ENPP6: variants seen among roughly 807,000 people sequenced by gnomAD.
The protein encoded by ENPP6 is glycerophosphocholine cholinephosphodiesterase ENPP6.
A neutral mutation model predicts 42.0 loss-of-function variants in ENPP6; 32 were observed. The observed-to-expected ratio is 0.76, with a 90% CI of 0.58 to 1.02. ENPP6 has a LOEUF of 1.02. ENPP6 is among the 50% of genes least tolerant of loss of function. ENPP6 has a pLI of 0.00. For missense variants in ENPP6, 552 were observed against 566.8 expected (o/e 0.97, Z 0.27); for synonymous variants, 213 against 216.0 (o/e 0.99, Z 0.12).
At chr4:184,164,841 G>C (rs1328524917) in intron 1 of ENPP6, among the ~76,000 whole-genome samples, 4 of 152,132 alleles carry the variant, frequency 2.6e-5, no homozygotes, top group Non-Finnish European at 5.9e-5. Flanking sequence ...TACACCACCA[G>C]GTATACTGGA....
intron 3 of ENPP6, among the ~76,000 whole-genome samples, chr4:184,122,680 A>C (rs1227755221): frequency 6.6e-6 from 1 of 152,190 alleles, no homozygotes; most frequent in African/African-American, 2.4e-5. Context: ...GGTGGTACAG[A>C]GTGACAATCC....
At chr4:184,113,910 T>TCTTTCTTC (rs1736259997) in intron 5 of ENPP6, among the ~76,000 whole-genome samples, 6 of 122,334 alleles carry the variant, frequency 4.9e-5, no homozygotes, top group Admixed American at 1.7e-4. Flanking sequence ...TTTCTTTCTT[T>TCTTTCTTC]CTTTCTTTCT....
intron 6 of ENPP6, among the ~76,000 whole-genome samples, chr4:184,097,849 G>T (rs905886260): frequency 4.6e-5 from 7 of 152,178 alleles, no homozygotes; most frequent in East Asian, 3.9e-4. Flanking sequence ...GGGGCTGGGG[G>T]CTAGACAGCT....
At chr4:184,121,004 C>T (rs1736406972) in intron 3 of ENPP6, among the ~76,000 whole-genome samples, 1 of 152,170 alleles carries the variant, frequency 6.6e-6, no homozygotes, top group Non-Finnish European at 1.5e-5. Context: ...TGCTCCACCA[C>T]TGGCTGGCTT....
intron 1 of ENPP6, among the ~76,000 whole-genome samples, chr4:184,210,965 A>G (rs1490313680): frequency 1.3e-5 from 2 of 151,356 alleles, no homozygotes; most frequent in Non-Finnish European, 3.0e-5. Context: ...ATGGAAACTG[A>G]ACAACCTGCT....
chr4:184,148,179 G>A (rs953736023), intron 2 of ENPP6, among the ~76,000 whole-genome samples: 1 of 152,160 alleles, frequency 6.6e-6, no homozygotes, highest in Admixed American at 6.5e-5. Flanking sequence ...GGGGGTGCAG[G>A]TGAGGAGGGT....
chr4:184,170,779 G>A (rs528413179), intron 1 of ENPP6, among the ~76,000 whole-genome samples: 6 of 152,332 alleles, frequency 3.9e-5, no homozygotes, highest in Admixed American at 2.6e-4. Context: ...CATGTGGCTC[G>A]TGGTGTCTGT....
Position 184,153,705 on chromosome 4 carries a change from G to T in ENPP6, c.270C>A (p.Ile90=), listed in dbSNP as rs772137303. The T allele has an allele frequency of 1.2e-6, 2 of 1,614,012 alleles. No individual in the cohort carries two copies. Among genetic ancestry groups the T allele is most frequent in the African/African-American group, 2.7e-5 (2 of 74,904 alleles). The change falls in exon 2 of 8, where the codon ATC becomes ATA. Residue 90 remains isoleucine, a synonymous_variant. Transcript: ENST00000296741. ...TGGTGGGGTCCCACATGTAGTTCCC[G>T]ATCATCTGATGGACTTCACAATGGC... ...TGRHCEVHQM[I]GNYMWDPTTN...
chr4:184,097,454 G>A (rs1268511415), intron 6 of ENPP6, 86 bp from the exon 7 acceptor site: 5 of 1,572,106 alleles, frequency 3.2e-6, no homozygotes, highest in Non-Finnish European at 3.4e-6. Flanking sequence ...ACTCCACCGG[G>A]GGGCGCTTTC....
At chr4:184,185,390 C>A (rs546080018) in intron 1 of ENPP6, among the ~76,000 whole-genome samples, 2 of 152,290 alleles carry the variant, frequency 1.3e-5, no homozygotes, top group African/African-American at 4.8e-5. Context: ...AAATGAGGGA[C>A]AACGCATCCC....
chr4:184,134,128 A>C (rs1736688630), intron 2 of ENPP6, among the ~76,000 whole-genome samples: 1 of 142,762 alleles, frequency 7.0e-6, no homozygotes, highest in African/African-American at 2.7e-5. Context: ...TCATTATGGA[A>C]GTGATTTATT....
At chr4:184,134,562 G>T (rs1010762215) in intron 2 of ENPP6, among the ~76,000 whole-genome samples, 6 of 151,830 alleles carry the variant, frequency 4.0e-5, no homozygotes, top group African/African-American at 1.2e-4. Context: ...CGGTCTACAG[G>T]TTCTCTGTTG....
At chr4:184,174,477 C>T (rs898421736) in intron 1 of ENPP6, among the ~76,000 whole-genome samples, 2 of 152,072 alleles carry the variant, frequency 1.3e-5, no homozygotes, top group African/African-American at 2.4e-5. Flanking sequence ...CCAATGACAG[C>T]CTTGTAAGAA....
chr4:184,090,840 G>C lies in ENPP6; in HGVS notation c.*337C>G, dbSNP rs116504613. 2.4e-6 allele frequency: 1 copy of C among 417,612 alleles called. No homozygotes were observed. Among genetic ancestry groups the C allele is most frequent in the Non-Finnish European group, 4.2e-6 (1 of 237,172 alleles). The allele number at this position is 417,612 out of a possible 1,614,324, so 25.9% of individuals were successfully genotyped here. On this transcript the variant is annotated 3_prime_UTR_variant, in exon 8 of 8. Transcript: ENST00000296741. ...GGGACAGAGAGGGGCCCAGAGCCAC[G>C]TCTGTCTGCAATAACCACTCCAAGT... is the stretch of plus-strand genomic sequence containing the variant.
At chr4:184,106,392 C>T (rs143377871) in intron 6 of ENPP6, among the ~76,000 whole-genome samples, 308 of 152,294 alleles carry the variant, frequency 2.0e-3, no homozygotes, top group Middle Eastern at 6.8e-3. Context: ...TGGTCCCTTG[C>T]TTACCTAAGC....
chr4:184,168,072 G>A (rs1395126076), intron 1 of ENPP6, among the ~76,000 whole-genome samples: 1 of 152,122 alleles, frequency 6.6e-6, no homozygotes, highest in African/African-American at 2.4e-5. Flanking sequence ...CAGGAACTGA[G>A]GACCTGTGAA....
intron 6 of ENPP6, among the ~76,000 whole-genome samples, chr4:184,110,889 T>A (rs190662568): frequency 6.6e-6 from 1 of 152,162 alleles, no homozygotes; most frequent in Non-Finnish European, 1.5e-5. Flanking sequence ...CAGCACTGCG[T>A]TTCATCACTC....
At chr4:184,160,053 T>G (rs928804442) in intron 1 of ENPP6, among the ~76,000 whole-genome samples, 1 of 152,246 alleles carries the variant, frequency 6.6e-6, no homozygotes, top group Non-Finnish European at 1.5e-5. Context: ...ACTCATTGAC[T>G]GATGGGCACT....
At chr4:184,135,087 A>T (rs1334629324) in intron 2 of ENPP6, among the ~76,000 whole-genome samples, 1 of 151,924 alleles carries the variant, frequency 6.6e-6, no homozygotes, top group Non-Finnish European at 1.5e-5. Flanking sequence ...AGACCTTTTC[A>T]ATTTGTTGAG....
Sources: gnomAD v4.1 joint callset for allele counts (sites outside exome capture counted in the v4.1 genomes callset) on GRCh38, gnomAD v4.1.1 for gene constraint, MANE v1.5 for transcripts, NCBI Gene and HGNC (gene_info 2026-07-23, HGNC 2026-07-21) for gene names.